The following NLRP5 variants were observed in gnomAD, a reference collection of about 807,000 sequenced individuals.
The protein encoded by NLRP5 is NLR family pyrin domain containing 5.
A neutral mutation model predicts 113.1 loss-of-function variants in NLRP5; 93 were observed. That is an observed-to-expected ratio of 0.82 (90% CI 0.70 to 0.98). NLRP5 has a LOEUF of 0.98. Ranked by LOEUF, NLRP5 falls within the 50% of genes least tolerant of loss-of-function variation. NLRP5 has a pLI of 0.00. For missense variants in NLRP5, 1,808 were observed against 1,514.3 expected (o/e 1.19, Z -3.22); for synonymous variants, 751 against 600.7 (o/e 1.25, Z -3.66).
rs1406803389 is a variant in NLRP5 at position 56,028,418 on chromosome 19, C to T, written c.2185C>T (p.His729Tyr). 2.2e-5 allele frequency: 35 copies of T among 1,613,956 alleles called. No homozygotes were observed. The East Asian group carries it at 3.1e-4, about 14-fold the overall frequency. ...GATAGCATCTTCCTTCTGCCTCCAG[C>T]ACTGTCCGTATTTGCGGAAAATTCG... Residue 729 changes from histidine to tyrosine, a missense_variant, in exon 7 of 15, where the codon CAC (histidine) becomes TAC (tyrosine). Coordinates refer to ENST00000390649, the MANE Select transcript of NLRP5 (RefSeq NM_153447.4).
intron 2 of NLRP5, 73 bp downstream of exon 2, chr19:56,004,168 A>G (rs1414734093): frequency 1.4e-6 from 2 of 1,472,638 alleles, no homozygotes; most frequent in African/African-American, 1.4e-5. Context: ...ACAGGGAAGA[A>G]TCGTTGTTCA....
intron 11 of NLRP5, 129 bp from the exon 12 acceptor site, chr19:56,050,285 AAAAG>A: frequency 1.3e-6 from 1 of 780,296 alleles, no homozygotes; most frequent in Middle Eastern, 4.0e-4. Context: ...TCAAAAAAAA[AAAAG>A]AAAAAAAAAC....
In NLRP5 at chr19:56,026,930, T is replaced by G. The variant is rs1204265653; in HGVS notation, c.697T>G (p.Trp233Gly). The G allele has an allele frequency of 6.4e-7, 1 of 1,551,344 alleles. No homozygotes were observed. The highest frequency in any genetic ancestry group is 8.7e-7 in the Non-Finnish European group (1 of 1,146,714). Reference sequence around the variant, plus strand: ...GACTCCAGGACATGGAGGTGACACATGGGACTACAAGAGTCACGTGATGAC... The same window carrying G: ...GACTCCAGGACATGGAGGTGACACAGGGGACTACAAGAGTCACGTGATGAC... Residue 233 changes from tryptophan to glycine, a missense_variant, in exon 7 of 15, where the codon TGG becomes GGG. Physicochemically the swap from Trp to Gly is radical, Grantham distance 184. Coordinates refer to ENST00000390649, the MANE Select transcript of NLRP5 (RefSeq NM_153447.4).
chr19:56,037,842 C>A (rs1244343386), intron 9 of NLRP5, among the ~76,000 whole-genome samples, 183 bp from the exon 10 acceptor site: 7 of 151,988 alleles, frequency 4.6e-5, no homozygotes, highest in Admixed American at 4.6e-4. Context: ...CCCATGAAAA[C>A]CTGAGGGAGG....
rs147569974 is a variant in NLRP5, at chr19:56,052,545, G to C, written c.3129-1093G>C. Among the ~76,000 whole-genome samples the C allele has an allele frequency of 2.0e-3, 307 of 152,180 alleles. 1 individual carries two copies. The highest frequency in any genetic ancestry group is 7.0e-3 in the African/African-American group (291 of 41,546). On this transcript the variant is annotated intron_variant, in intron 12 of 14. Coordinates refer to ENST00000390649, the MANE Select transcript of NLRP5 (RefSeq NM_153447.4). ...TTGGCCTCCCAAAGTGCTGGGATTA[G>C]AGGCGTGAGCCACTGTACCCAGCCT... is the stretch of plus-strand genomic sequence containing the variant.
In NLRP5 at chr19:56,007,888, T is replaced by TGTGTGC. The variant is rs1377801756; in HGVS notation, c.443-899_443-898insTGTGCG. On this transcript the variant is annotated intron_variant, in intron 2 of 14. Coordinates refer to ENST00000390649, the MANE Select transcript of NLRP5 (RefSeq NM_153447.4). ...GACAGTTTGTGTGTGTGTGTGTGTG[T>TGTGTGC]GCGCGTGCGCGCGTGCGTGTGTGTG... Among the ~76,000 whole-genome samples the TGTGTGC allele has an allele frequency of 1.2e-4, 8 of 68,034 alleles. 2 individuals are homozygous for TGTGTGC. Among genetic ancestry groups the TGTGTGC allele is most frequent in the Non-Finnish European group, 1.7e-4 (5 of 29,464 alleles). The allele number at this position is 68,034 out of a possible 152,430, so 44.6% of individuals were successfully genotyped here. A position where few individuals can be genotyped will look rare whatever the true frequency, so the allele number is the denominator to read the frequency against.
chr19:56,000,251 G>T (rs1167792378), intron 1 of NLRP5, among the ~76,000 whole-genome samples: 2 of 152,218 alleles, frequency 1.3e-5, no homozygotes, highest in African/African-American at 4.8e-5. Flanking sequence ...ATTGTCCAGG[G>T]ACTGCTACCT....
intron 10 of NLRP5, 144 bp downstream of exon 10, chr19:56,038,339 G>A: frequency 1.2e-6 from 1 of 808,992 alleles, no homozygotes; most frequent in Non-Finnish European, 2.0e-6. Flanking sequence ...CCCAAGACCT[G>A]CCCAGTGTGG....
At chr19:56,022,823 C>G (rs1474191983) in intron 6 of NLRP5, among the ~76,000 whole-genome samples, 6 of 152,132 alleles carry the variant, frequency 3.9e-5, no homozygotes. Context: ...CTCCCAGGTT[C>G]AAGCGATGCT....
chr19:56,040,942 C>T lies in NLRP5; in HGVS notation c.2807C>T (p.Thr936Ile). The change falls in exon 11 of 15, where the codon ACA becomes ATA. Residue 936 changes from threonine (T) to isoleucine (I), a missense_variant. Coordinates refer to ENST00000390649, the MANE Select transcript of NLRP5 (RefSeq NM_153447.4). ...TGCAGACTGGAGGACTGTGGCATCACAGCCACGGGTTGCCAGAGTCTGGCC... is the reference window on the plus strand; with the variant it reads ...TGCAGACTGGAGGACTGTGGCATCATAGCCACGGGTTGCCAGAGTCTGGCC... 1 of 1,613,856 alleles carries T rather than the reference C, an allele frequency of 6.2e-7. No homozygotes were observed. Among genetic ancestry groups the T allele is most frequent in the Non-Finnish European group, 8.5e-7 (1 of 1,179,766 alleles).
intron 2 of NLRP5, among the ~76,000 whole-genome samples, chr19:56,005,253 A>T (rs1441302011): frequency 8.1e-6 from 1 of 123,552 alleles, no homozygotes; most frequent in Admixed American, 8.3e-5. Flanking sequence ...ACACATATAT[A>T]TTTATATATA....
In NLRP5 at chr19:56,052,593, C is replaced by A. The variant is rs142611862; in HGVS notation, c.3129-1045C>A. ...CCTGCATCCCTCTTTATTCTTCACC[C>A]GATGGCTCCTGAGGATGGACCATCC... On this transcript the variant is annotated intron_variant, in intron 12 of 14. Coordinates refer to ENST00000390649, the MANE Select transcript of NLRP5 (RefSeq NM_153447.4). Among the ~76,000 whole-genome samples the A allele has an allele frequency of 2.0e-3, 308 of 152,194 alleles. 2 individuals are homozygous for A. The highest frequency in any genetic ancestry group is 7.1e-3 in the African/African-American group (293 of 41,514).
intron 3 of NLRP5, among the ~76,000 whole-genome samples, chr19:56,011,092 G>T (rs1982170943): frequency 6.6e-6 from 1 of 151,920 alleles, no homozygotes; most frequent in South Asian, 2.1e-4. Context: ...GGTTGAGGCT[G>T]CATTGAGCCA....
chr19:56,030,340 A>G (rs1983048089), intron 7 of NLRP5, among the ~76,000 whole-genome samples: 1 of 152,144 alleles, frequency 6.6e-6, no homozygotes, highest in African/African-American at 2.4e-5. Context: ...ACTGTGCTCC[A>G]ACCTGGGTGA....
the NLRP5 span, among the ~76,000 whole-genome samples, chr19:55,991,014 G>T: frequency 3.9e-5 from 6 of 152,184 alleles, no homozygotes; most frequent in African/African-American, 1.2e-4. Context: ...CTGAGCTGTT[G>T]ATCATTATCA....
chr19:55,997,677 C>G (rs1391769671), upstream of NLRP5, among the ~76,000 whole-genome samples: 1 of 143,168 alleles, frequency 7.0e-6, no homozygotes. Context: ...ACCAAAAATA[C>G]CAAAATACCA....
chr19:56,037,224 C>T lies in NLRP5; in HGVS notation c.2616-801C>T, dbSNP rs570672281. ...TACGTTCCTCTTTCGTAAATACTGC[C>T]GGTCATCCCGGAAGCTCGTGCCCTT... On this transcript the variant is annotated intron_variant, in intron 9 of 14. Transcript: ENST00000390649. Among the ~76,000 whole-genome samples the T allele has an allele frequency of 2.6e-4, 39 of 152,228 alleles. No homozygotes were observed. The South Asian group carries it at 6.8e-3, about 27-fold the overall frequency.
At chr19:55,989,905 A>G in the NLRP5 span, among the ~76,000 whole-genome samples, 1 of 152,010 alleles carries the variant, frequency 6.6e-6, no homozygotes, top group African/African-American at 2.4e-5. Context: ...CACTTCACTA[A>G]TGTAGGAGCA....
At chr19:56,010,920 GGCAGGCAGATT>G (rs1271668703) in intron 3 of NLRP5, among the ~76,000 whole-genome samples, 1 of 151,924 alleles carries the variant, frequency 6.6e-6, no homozygotes, top group Non-Finnish European at 1.5e-5. Flanking sequence ...GGGAGGCTGA[GGCAGGCAGATT>G]GCTCGAACCC....
Sources: gnomAD v4.1 joint callset for allele counts (sites outside exome capture counted in the v4.1 genomes callset) on GRCh38, gnomAD v4.1.1 for gene constraint, MANE v1.5 for transcripts, NCBI Gene and HGNC (gene_info 2026-07-23, HGNC 2026-07-21) for gene names.